Variants in PANK4 observed in about 807,000 individuals in gnomAD.
The protein encoded by PANK4 is pantothenate kinase 4 (inactive).
In PANK4, 40 loss-of-function variants were observed where a neutral mutation model predicts 87.9. The observed-to-expected ratio is 0.46, with a 90% CI of 0.35 to 0.59. The LOEUF (loss-of-function observed/expected upper bound fraction) is 0.59, where lower values mean the gene tolerates loss of function less well. PANK4 is among the 20% of genes least tolerant of loss of function. PANK4 has a pLI of 0.00. For synonymous variants in PANK4, 524 were observed against 467.4 expected (o/e 1.12, Z -1.56); for missense variants, 926 against 1,072.3 (o/e 0.86, Z 1.90).
At position 2,511,406 on chromosome 1, in the gene PANK4, C is replaced by T; in HGVS notation, c.1784-19G>A. 2 of 1,593,544 alleles carry T rather than the reference C, an allele frequency of 1.3e-6. No individual in the cohort carries two copies. Among genetic ancestry groups the T allele is most frequent in the Non-Finnish European group, 1.7e-6 (2 of 1,162,320 alleles). Reference sequence around the variant, plus strand: ...GGTCTTTCTGAGACAGAGAGAGGGACACATGATTAGCCCGGTGCTCCAGGT... The same window carrying T: ...GGTCTTTCTGAGACAGAGAGAGGGATACATGATTAGCCCGGTGCTCCAGGT... On this transcript the variant is annotated intron_variant, in intron 14 of 18. Coordinates refer to ENST00000378466, the MANE Select transcript of PANK4 (RefSeq NM_018216.4).
At position 2,519,712 on chromosome 1, in the gene PANK4, G is replaced by A. The variant is rs1361094987; in HGVS notation, c.853+89C>T. 1 of 1,345,900 alleles carries A rather than the reference G, an allele frequency of 7.4e-7. No homozygotes were observed. The allele number at this position is 1,345,900 out of a possible 1,614,324, so 83.4% of individuals were successfully genotyped here. On this transcript the variant is annotated intron_variant, in intron 6 of 18. Coordinates refer to ENST00000378466, the MANE Select transcript of PANK4 (RefSeq NM_018216.4). The surrounding 1 kb of genome is among the most constrained non-coding windows in gnomAD (Gnocchi z 8.3). ...CCCGACTCTCCAGGGAGCAGTTGTGGGAAAGCAATGGTGGGGGAAGCTCCT... is the reference window on the plus strand; with the variant it reads ...CCCGACTCTCCAGGGAGCAGTTGTGAGAAAGCAATGGTGGGGGAAGCTCCT...
At chr1:2,523,332 C>T (rs1357040429) in intron 1 of PANK4, among the ~76,000 whole-genome samples, 1 of 152,174 alleles carries the variant, frequency 6.6e-6, no homozygotes, top group Non-Finnish European at 1.5e-5. Context: ...TGGCTTTAAG[C>T]CTCCTTATCC....
chr1:2,512,904 C>A lies in PANK4; in HGVS notation c.1711G>T (p.Ala571Ser). The part of the protein sequence containing the change: ...LLAGNVFDWG[A>S]KAVSAVLESD... Reference sequence around the variant, plus strand: ...GACACCTACGCAGACACGGCTTTGGCCCCCCAGTCGAAGACATTCCCCGCC... The same window carrying A: ...GACACCTACGCAGACACGGCTTTGGACCCCCAGTCGAAGACATTCCCCGCC... Residue 571 changes from alanine (A) to serine (S), a missense_variant, in exon 13 of 19, where the codon GCC (alanine) becomes TCC (serine). Physicochemically the swap from Ala to Ser is moderately conservative, Grantham distance 99 (BLOSUM62 1). Transcript: ENST00000378466. 1 of 1,612,576 alleles carries A rather than the reference C, an allele frequency of 6.2e-7. No homozygotes were observed.
chr1:2,518,273 C>T lies in PANK4; in HGVS notation c.1118-9G>A, dbSNP rs763001101. ...GCTGTACTGGTTAGGATCTGGAAAG[C>T]AAGAAGCCAGGTCACTTGTGTTAAC... On this transcript the variant is annotated splice_polypyrimidine_tract_variant and intron_variant, in intron 8 of 18. Coordinates refer to ENST00000378466, the MANE Select transcript of PANK4 (RefSeq NM_018216.4). 4 of 1,598,646 alleles carry T rather than the reference C, an allele frequency of 2.5e-6. No homozygotes were observed. In the Admixed American group the frequency reaches 6.7e-5, roughly 27 times the overall value.
At chr1:2,517,156 G>C (rs1643795660) in intron 9 of PANK4, among the ~76,000 whole-genome samples, 1 of 152,220 alleles carries the variant, frequency 6.6e-6, no homozygotes, top group African/African-American at 2.4e-5. Context: ...AAAGCTGAGA[G>C]CCTGGGGCTC....
chr1:2,513,994 G>A lies in PANK4; in HGVS notation c.1575+8C>T. 1 of 1,599,086 alleles carries A rather than the reference G, an allele frequency of 6.3e-7. No homozygotes were observed. Among genetic ancestry groups the A allele is most frequent in the Non-Finnish European group, 8.6e-7 (1 of 1,167,294 alleles). ...AGCGAGCGGAAGGCCAGGGCACACT[G>A]CACTTACTTTGGAGTAGGGATCCGG... On this transcript the variant is annotated splice_region_variant and intron_variant, in intron 12 of 18. Coordinates refer to ENST00000378466, the MANE Select transcript of PANK4 (RefSeq NM_018216.4).
In PANK4 at chr1:2,509,695, C is replaced by G; in HGVS notation, c.2108+167G>C. 4 of 649,606 alleles carry G rather than the reference C, an allele frequency of 6.2e-6. No individual in the cohort carries two copies. The highest frequency in any genetic ancestry group is 1.1e-5 in the Non-Finnish European group (4 of 360,844). The allele number at this position is 649,606 out of a possible 1,614,324, so 40.2% of individuals were successfully genotyped here. A position where few individuals can be genotyped will look rare whatever the true frequency, so the allele number is the denominator to read the frequency against. Reference sequence around the variant, plus strand: ...CCATTCACCCTCCCCAGGCCACCTTCGGGGATGGCATATCTGTCCCCTCCT... The same window carrying G: ...CCATTCACCCTCCCCAGGCCACCTTGGGGGATGGCATATCTGTCCCCTCCT... On this transcript the variant is annotated intron_variant, in intron 18 of 18. Coordinates refer to ENST00000378466, the MANE Select transcript of PANK4 (RefSeq NM_018216.4). This position sits in a 1 kb window ranked among gnomAD's most constrained non-coding sequence, Gnocchi z 4.9.
In PANK4 at chr1:2,510,407, A is replaced by G. The variant is rs755880489; in HGVS notation, c.1939-250T>C. ...GGGACCTGCCTGTCTGTGAAGTCACAGCCCCAAAGCCTCCTTGCTGTGAGC... is the reference window on the plus strand; with the variant it reads ...GGGACCTGCCTGTCTGTGAAGTCACGGCCCCAAAGCCTCCTTGCTGTGAGC... On this transcript the variant is annotated intron_variant, in intron 16 of 18. Coordinates refer to ENST00000378466, the MANE Select transcript of PANK4 (RefSeq NM_018216.4). The surrounding 1 kb of genome is among the most constrained non-coding windows in gnomAD (Gnocchi z 4.9). 3.7e-6 allele frequency: 2 copies of G among 535,012 alleles called. No homozygotes were observed. The highest frequency in any genetic ancestry group is 6.4e-6 in the Non-Finnish European group (2 of 310,478). The allele number at this position is 535,012 out of a possible 1,614,324, so 33.1% of individuals were successfully genotyped here. A position where few individuals can be genotyped will look rare whatever the true frequency, so the allele number is the denominator to read the frequency against.
intron 2 of PANK4, 194 bp downstream of exon 2, chr1:2,521,524 C>A (rs1643875150): frequency 1.5e-6 from 1 of 688,816 alleles, no homozygotes; most frequent in Non-Finnish European, 2.6e-6. Flanking sequence ...CGGGGGAGCA[C>A]AGGCGGGCGC....
chr1:2,515,873 C>G lies in PANK4; in HGVS notation c.1219-156G>C. ...AGACGAGACCCCCACTGGGCCCCCT[C>G]AGCTGCCCGGCGGCCTGAGCCGGAT... On this transcript the variant is annotated intron_variant, in intron 9 of 18. Transcript: ENST00000378466. The surrounding 1 kb of genome is among the most constrained non-coding windows in gnomAD (Gnocchi z 5.0). 1.3e-6 allele frequency: 1 copy of G among 762,310 alleles called. No individual in the cohort carries two copies. Among genetic ancestry groups the G allele is most frequent in the Admixed American group, 2.7e-5 (1 of 36,822 alleles). The allele number at this position is 762,310 out of a possible 1,614,324, so 47.2% of individuals were successfully genotyped here.
Position 2,519,838 on chromosome 1 carries a change from G to T in PANK4, c.816C>A (p.Ile272=), listed in dbSNP as rs1352372981. The part of the protein sequence containing the change: ...HQTLGLSGNL[I]ASSFGKSATA... ...TGGCCGACTTCCCGAAGCTGCTGGC[G>T]ATGAGGTTCCCGCTCAGCCCGAGAG... The change falls in exon 6 of 19, where the codon ATC becomes ATA. Residue 272 remains isoleucine (I), a synonymous_variant. Coordinates refer to ENST00000378466, the MANE Select transcript of PANK4 (RefSeq NM_018216.4). This position sits in a 1 kb window ranked among gnomAD's most constrained non-coding sequence, Gnocchi z 8.3. 4.4e-6 allele frequency: 7 copies of T among 1,579,542 alleles called. No homozygotes were observed. Among genetic ancestry groups the T allele is most frequent in the African/African-American group, 1.3e-5 (1 of 74,468 alleles).
Position 2,510,500 on chromosome 1 carries a change from C to T in PANK4, c.1938+178G>A. On this transcript the variant is annotated intron_variant, in intron 16 of 18. Transcript: ENST00000378466. The surrounding 1 kb of genome is among the most constrained non-coding windows in gnomAD (Gnocchi z 4.9). ...GGACCCTCAGCCTGAGCCCAGGGGGCTCGGAGCCTCCACCCCAGCAGATGA... is the reference window on the plus strand; with the variant it reads ...GGACCCTCAGCCTGAGCCCAGGGGGTTCGGAGCCTCCACCCCAGCAGATGA... 1.6e-6 allele frequency: 1 copy of T among 619,738 alleles called. No homozygotes were observed. Among genetic ancestry groups the T allele is most frequent in the Non-Finnish European group, 2.9e-6 (1 of 348,880 alleles). The allele number at this position is 619,738 out of a possible 1,614,324, so 38.4% of individuals were successfully genotyped here.
Position 2,515,156 on chromosome 1 carries a change from C to T in PANK4, c.1374+406G>A, listed in dbSNP as rs1003739328. 2.1e-5 allele frequency: 8 copies of T among 382,444 alleles called. No homozygotes were observed. The highest frequency in any genetic ancestry group is 9.9e-5 in the South Asian group (5 of 50,406). 23.7% of individuals were successfully genotyped at this position (382,444 alleles called of 1,614,324 possible). A position where few individuals can be genotyped will look rare whatever the true frequency, so the allele number is the denominator to read the frequency against. On this transcript the variant is annotated intron_variant, in intron 10 of 18. Coordinates refer to ENST00000378466, the MANE Select transcript of PANK4 (RefSeq NM_018216.4). The surrounding 1 kb of genome is among the most constrained non-coding windows in gnomAD (Gnocchi z 5.0). ...CAGCCCAGCCTTGGAGAAGGTGGGACGCAGGAGTCCCAAGGTGGCCTCGCC... is the reference window on the plus strand; with the variant it reads ...CAGCCCAGCCTTGGAGAAGGTGGGATGCAGGAGTCCCAAGGTGGCCTCGCC...
At chr1:2,522,294 C>T (rs1455233419) in intron 1 of PANK4, among the ~76,000 whole-genome samples, 2 of 152,236 alleles carry the variant, frequency 1.3e-5, no homozygotes, top group Non-Finnish European at 2.9e-5. Flanking sequence ...CTCCCCTACC[C>T]TGGAGAGGCA....
In PANK4 at chr1:2,510,501, TCGG is replaced by T. The variant is rs1382915466; in HGVS notation, c.1938+174_1938+176del. On this transcript the variant is annotated intron_variant, in intron 16 of 18. Coordinates refer to ENST00000378466, the MANE Select transcript of PANK4 (RefSeq NM_018216.4). The surrounding 1 kb of genome is among the most constrained non-coding windows in gnomAD (Gnocchi z 4.9). ...GACCCTCAGCCTGAGCCCAGGGGGCTCGGAGCCTCCACCCCAGCAGATGACGGC... is the reference window on the plus strand; with the variant it reads ...GACCCTCAGCCTGAGCCCAGGGGGCTAGCCTCCACCCCAGCAGATGACGGC... 24 of 615,188 alleles carry T rather than the reference TCGG, an allele frequency of 3.9e-5. No individual in the cohort carries two copies. Among genetic ancestry groups the T allele is most frequent in the Non-Finnish European group, 8.7e-6 (3 of 346,568 alleles). The allele number at this position is 615,188 out of a possible 1,614,324, so 38.1% of individuals were successfully genotyped here.
chr1:2,520,470 C>T lies in PANK4; in HGVS notation c.607-56G>A, dbSNP rs1643865451. 34 of 1,419,110 alleles carry T rather than the reference C, an allele frequency of 2.4e-5. No individual in the cohort carries two copies. The highest frequency in any genetic ancestry group is 3.2e-5 in the Non-Finnish European group (33 of 1,015,990). The allele number at this position is 1,419,110 out of a possible 1,614,324, so 87.9% of individuals were successfully genotyped here. ...AGTGGGCCCTCAGCCACACAGGCTC[C>T]CCCGCCCCCCGCCCCATGTGCTGCG... On this transcript the variant is annotated intron_variant, in intron 4 of 18. Coordinates refer to ENST00000378466, the MANE Select transcript of PANK4 (RefSeq NM_018216.4). The surrounding 1 kb of genome is among the most constrained non-coding windows in gnomAD (Gnocchi z 6.2).
In PANK4 at chr1:2,520,852, G is replaced by C; in HGVS notation, c.477C>G (p.Leu159=). The C allele has an allele frequency of 6.3e-7, 1 of 1,587,916 alleles. No individual in the cohort carries two copies. Among genetic ancestry groups the C allele is most frequent in the Middle Eastern group, 1.7e-4 (1 of 5,928 alleles). ...TCLIKGCNFV[L]KNIPHEAFVY... Reference sequence around the variant, plus strand: ...CGAAGGCCTCATGGGGGATGTTCTTGAGCACGAAGTTGCACCCCTTAATCA... The same window carrying C: ...CGAAGGCCTCATGGGGGATGTTCTTCAGCACGAAGTTGCACCCCTTAATCA... Residue 159 remains leucine, a synonymous_variant, in exon 4 of 19, where the codon CTC becomes CTG. Coordinates refer to ENST00000378466, the MANE Select transcript of PANK4 (RefSeq NM_018216.4). This position sits in a 1 kb window ranked among gnomAD's most constrained non-coding sequence, Gnocchi z 6.2.
chr1:2,518,603 G>A lies in PANK4; in HGVS notation c.1036-6C>T, dbSNP rs1304526657. 8 of 1,563,614 alleles carry A rather than the reference G, an allele frequency of 5.1e-6. No individual in the cohort carries two copies. The African/African-American group carries it at 5.4e-5, about 11-fold the overall frequency. ...AACAGCGCCTGCACTTCCCCCTGCC[G>A]TGGCCAAAGCACACGTGCTGCTGTT... On this transcript the variant is annotated splice_region_variant and splice_polypyrimidine_tract_variant and intron_variant, in intron 7 of 18. Transcript: ENST00000378466.
chr1:2,525,450 G>A (rs538362196), intron 1 of PANK4, among the ~76,000 whole-genome samples: 1 of 152,250 alleles, frequency 6.6e-6, no homozygotes, highest in South Asian at 2.1e-4. Flanking sequence ...TGAAGCCGCA[G>A]CGGCTATTCA....
Sources: allele counts gnomAD v4.1 joint callset (sites outside exome capture counted in the v4.1 genomes callset), GRCh38; gene constraint gnomAD v4.1.1; non-coding constraint Gnocchi (gnomAD v3.1); transcripts MANE v1.5; gene names NCBI Gene and HGNC (gene_info 2026-07-23, HGNC 2026-07-21).